TNFAIP2: variants seen among roughly 807,000 people sequenced by gnomAD.
TNFAIP2 encodes tumor necrosis factor alpha-induced protein 2.
In TNFAIP2, 47 loss-of-function variants were observed where a neutral mutation model predicts 63.5. The ratio of observed to expected loss-of-function variants is 0.74; its 90% CI spans 0.59 to 0.94. The LOEUF is 0.94. TNFAIP2 is among the 40% of genes least tolerant of loss of function. The pLI is 0.00. For synonymous variants in TNFAIP2, 405 were observed against 390.2 expected, an observed-to-expected ratio of 1.04 and a Z score of -0.45; for missense variants, 787 against 850.2, an observed-to-expected ratio of 0.93 and a Z score of 0.92.
chr14:103,121,942 A>G (rs980156999), upstream of TNFAIP2, among the ~76,000 whole-genome samples: 274 of 152,154 alleles, frequency 1.8e-3, 7 homozygotes, highest in Non-Finnish European at 3.1e-4. Context: ...GGGATTGCAC[A>G]ATGAGGCCAC....
chr14:103,130,475 C>G (rs1438586344), intron 6 of TNFAIP2, 60 bp downstream of exon 6: 3 of 1,477,424 alleles, frequency 2.0e-6, no homozygotes, highest in Non-Finnish European at 2.8e-6. Context: ...ACGGCCCCTC[C>G]CTAGTGCCTC....
rs2087985871 is a variant in TNFAIP2, at chr14:103,131,993, C to A, written c.1422+231C>A. Among the ~76,000 whole-genome samples, 1 of 5,610 alleles carries A rather than the reference C, an allele frequency of 1.8e-4. No homozygotes were observed. Among genetic ancestry groups the A allele is most frequent in the African/African-American group, 2.5e-3 (1 of 406 alleles). The allele number at this position is 5,610 out of a possible 152,430, so 3.7% of individuals were successfully genotyped here. On this transcript the variant is annotated intron_variant, in intron 8 of 11. Coordinates refer to ENST00000560869, the MANE Select transcript of TNFAIP2 (RefSeq NM_006291.4). The surrounding 1 kb of genome is among the most constrained non-coding windows in gnomAD (Gnocchi z 4.0). ...CTGGGGTTTCACCTGAGAGGGGCCGCCTGGGGCTGGGAGGGGCCGCCTGGG... is the reference window on the plus strand; with the variant it reads ...CTGGGGTTTCACCTGAGAGGGGCCGACTGGGGCTGGGAGGGGCCGCCTGGG...
chr14:103,127,720 C>G lies in TNFAIP2; in HGVS notation c.860+91C>G. 1 of 1,367,950 alleles carries G rather than the reference C, an allele frequency of 7.3e-7. No homozygotes were observed. The highest frequency in any genetic ancestry group is 9.5e-7 in the Non-Finnish European group (1 of 1,049,576). The allele number at this position is 1,367,950 out of a possible 1,614,324, so 84.7% of individuals were successfully genotyped here. A position where few individuals can be genotyped will look rare whatever the true frequency, so the allele number is the denominator to read the frequency against. ...GGGTGTCGAGGTGTGCCGCCGGCAGCTTTTAGTGAGGTCGGTGTTTGCAGA... is the reference window on the plus strand; with the variant it reads ...GGGTGTCGAGGTGTGCCGCCGGCAGGTTTTAGTGAGGTCGGTGTTTGCAGA... On this transcript the variant is annotated intron_variant, in intron 3 of 11. Transcript: ENST00000560869. This position sits in a 1 kb window ranked among gnomAD's most constrained non-coding sequence, Gnocchi z 5.1.
intron 6 of TNFAIP2, 113 bp from the exon 7 acceptor site, chr14:103,130,939 G>A (rs1370352306): frequency 9.1e-7 from 1 of 1,094,598 alleles, no homozygotes. Context: ...CCTTGGCTAT[G>A]GGCAGCCAAA....
chr14:103,129,887 G>A lies in TNFAIP2; in HGVS notation c.975+33G>A, dbSNP rs946504007. The A allele has an allele frequency of 3.1e-6, 5 of 1,609,226 alleles. No individual in the cohort carries two copies. The African/African-American group carries it at 6.7e-5, about 22-fold the overall frequency. Reference sequence around the variant, plus strand: ...TCCACCTGGGCCAGGGAGGGGCAGGGAGGCAGCAGAGGAGAGGCTCGGAGA... The same window carrying A: ...TCCACCTGGGCCAGGGAGGGGCAGGAAGGCAGCAGAGGAGAGGCTCGGAGA... On this transcript the variant is annotated intron_variant, in intron 4 of 11. Transcript: ENST00000560869.
chr14:103,133,039 G>A (rs1435591774), intron 9 of TNFAIP2, among the ~76,000 whole-genome samples, 167 bp downstream of exon 9: 3 of 152,100 alleles, frequency 2.0e-5, no homozygotes, highest in Non-Finnish European at 4.4e-5. Flanking sequence ...CACACGTGAA[G>A]GCACGAACAT....
In TNFAIP2 at chr14:103,131,052, C is replaced by T. The variant is rs764321973; in HGVS notation, c.1200C>T (p.Ser400=). ...LLVELPAFLR[S]YQRAFNEFLE... ...AATGTGCCCCTTCTGGTTTCGCCAG[C>T]TACCAGCGCGCCTTTAATGAATTTC... Residue 400 remains serine, a splice_region_variant and synonymous_variant, in exon 7 of 12, where the codon AGC becomes AGT. Transcript: ENST00000560869. This position sits in a 1 kb window ranked among gnomAD's most constrained non-coding sequence, Gnocchi z 4.0. The T allele has an allele frequency of 2.5e-6, 4 of 1,614,042 alleles. No individual in the cohort carries two copies. The African/African-American group carries it at 5.3e-5, about 22-fold the overall frequency.
rs2088113219 is a variant in TNFAIP2 at position 103,137,292 on chromosome 14, G to C, written c.*1932G>C. The C allele has an allele frequency of 6.6e-6, 1 of 152,312 alleles. No homozygotes were observed. The highest frequency in any genetic ancestry group is 1.5e-5 in the Non-Finnish European group (1 of 68,096). 9.4% of individuals were successfully genotyped at this position (152,312 alleles called of 1,614,324 possible). A position where few individuals can be genotyped will look rare whatever the true frequency, so the allele number is the denominator to read the frequency against. ...TGGCCAGGAAGTGGCCGGTATAAAGGATGCCCAAGGTCTTTGTACGTGTGT... is the reference window on the plus strand; with the variant it reads ...TGGCCAGGAAGTGGCCGGTATAAAGCATGCCCAAGGTCTTTGTACGTGTGT... On this transcript the variant is annotated 3_prime_UTR_variant, in exon 12 of 12. Coordinates refer to ENST00000560869, the MANE Select transcript of TNFAIP2 (RefSeq NM_006291.4).
intron 1 of TNFAIP2, among the ~76,000 whole-genome samples, chr14:103,124,918 C>T (rs74964550): frequency 6.6e-6 from 1 of 152,320 alleles, no homozygotes; most frequent in African/African-American, 2.4e-5. Context: ...GGCTTCCTGT[C>T]CCTCAGGTGG....
At chr14:103,133,600 G>T in intron 10 of TNFAIP2, 82 bp from the exon 11 acceptor site, 1 of 1,572,686 alleles carries the variant, frequency 6.4e-7, no homozygotes. Flanking sequence ...GAGATAGGCC[G>T]CTGGTGCCTC....
At position 103,136,903 on chromosome 14, in the gene TNFAIP2, G is replaced by T. The variant is rs2088104942; in HGVS notation, c.*1543G>T. 1 of 152,200 alleles carries T rather than the reference G, an allele frequency of 6.6e-6. No homozygotes were observed. The highest frequency in any genetic ancestry group is 1.5e-5 in the Non-Finnish European group (1 of 68,048). The allele number at this position is 152,200 out of a possible 1,614,324, so 9.4% of individuals were successfully genotyped here. On this transcript the variant is annotated 3_prime_UTR_variant, in exon 12 of 12. Transcript: ENST00000560869. Reference sequence around the variant, plus strand: ...TCAGGTCAGCTGATTAGCCACCTTAGTTCCATCTGCAACTTTAGTTCCCAC... The same window carrying T: ...TCAGGTCAGCTGATTAGCCACCTTATTTCCATCTGCAACTTTAGTTCCCAC...
Position 103,135,201 on chromosome 14 carries a change from G to A in TNFAIP2, c.1824-18G>A. On this transcript the variant is annotated intron_variant, in intron 11 of 11. Coordinates refer to ENST00000560869, the MANE Select transcript of TNFAIP2 (RefSeq NM_006291.4). The surrounding 1 kb of genome is among the most constrained non-coding windows in gnomAD (Gnocchi z 7.6). ...GTGTGGGTGACAGGCTGGGCTGACA[G>A]GATGCTCTCTTTGCCAGCAAAGGCC... The A allele has an allele frequency of 6.2e-7, 1 of 1,613,698 alleles. No individual in the cohort carries two copies. Among genetic ancestry groups the A allele is most frequent in the Admixed American group, 1.7e-5 (1 of 60,030 alleles).
chr14:103,124,973 G>A (rs984425099), intron 1 of TNFAIP2, among the ~76,000 whole-genome samples: 1 of 152,224 alleles, frequency 6.6e-6, no homozygotes, highest in African/African-American at 2.4e-5. Context: ...AGTGGGGCTG[G>A]TGGAGGCAGC....
chr14:103,125,448 T>C (rs1005272330), intron 1 of TNFAIP2, among the ~76,000 whole-genome samples: 1 of 152,124 alleles, frequency 6.6e-6, no homozygotes, highest in African/African-American at 2.4e-5. Flanking sequence ...CTATTGACTA[T>C]AGGGACAGTT....
chr14:103,121,885 G>GGGGGA (rs1891117339), upstream of TNFAIP2, among the ~76,000 whole-genome samples: 1 of 144,636 alleles, frequency 6.9e-6, no homozygotes, highest in African/African-American at 2.6e-5. Flanking sequence ...GGGAGGGGGG[G>GGGGGA]TGAGGGGGTG....
At chr14:103,130,840 G>A (rs916686298) in intron 6 of TNFAIP2, among the ~76,000 whole-genome samples, 6 of 152,216 alleles carry the variant, frequency 3.9e-5, no homozygotes, top group African/African-American at 1.4e-4. Flanking sequence ...GGGCCTGGGA[G>A]CAGCAGAGAT....
rs768441052 is a variant in TNFAIP2 at position 103,129,757 on chromosome 14, C to A, written c.878C>A (p.Pro293His). 5.0e-6 allele frequency: 8 copies of A among 1,613,984 alleles called. No individual in the cohort carries two copies. Among genetic ancestry groups the A allele is most frequent in the Non-Finnish European group, 6.8e-6 (8 of 1,179,934 alleles). ...NLYPNDIINS[P>H]KLVGELQGMG... ...GCCTGCAGTGACATCATCAACAGCC[C>A]CAAGCTGGTGGGTGAGCTGCAGGGT... The change falls in exon 4 of 12, where the codon CCC (proline) becomes CAC (histidine). Residue 293 changes from proline to histidine, a missense_variant. Physicochemically the swap from Pro to His is moderately conservative, Grantham distance 77. Coordinates refer to ENST00000560869, the MANE Select transcript of TNFAIP2 (RefSeq NM_006291.4).
rs748490834 is a variant in TNFAIP2, at chr14:103,133,483, A to G, written c.1667A>G (p.Asn556Ser). Residue 556 changes from asparagine (N) to serine (S), a missense_variant, in exon 10 of 12, where the codon AAT (asparagine) becomes AGT (serine). By Grantham distance (46) the Asn-to-Ser change is conservative (BLOSUM62 1). Coordinates refer to ENST00000560869, the MANE Select transcript of TNFAIP2 (RefSeq NM_006291.4). ...CAGCTGGCTGGGTACATCCTGGCCA[A>G]TGCTGACACCATCCAGCACTTCTGC... ...QQQLAGYILA[N>S]ADTIQHFCTQ... is the part of the protein sequence containing the mutation. 6.8e-6 allele frequency: 11 copies of G among 1,613,818 alleles called. No individual in the cohort carries two copies. Among genetic ancestry groups the G allele is most frequent in the Admixed American group, 1.7e-5 (1 of 60,002 alleles).
chr14:103,133,150 A>ACC (rs2088018876), intron 9 of TNFAIP2, among the ~76,000 whole-genome samples: 1 of 151,506 alleles, frequency 6.6e-6, no homozygotes, highest in Non-Finnish European at 1.5e-5. Flanking sequence ...GTAAACACAC[A>ACC]CATGTGAACA....
Sources: gnomAD v4.1 joint callset for allele counts (sites outside exome capture counted in the v4.1 genomes callset) on GRCh38, gnomAD v4.1.1 for gene constraint, Gnocchi (gnomAD v3.1) non-coding constraint, MANE v1.5 for transcripts, NCBI Gene and HGNC (gene_info 2026-07-23, HGNC 2026-07-21) for gene names.